The following NR3C2 variants were observed in gnomAD, a reference collection of about 807,000 sequenced individuals.
NR3C2 encodes the protein nuclear receptor subfamily 3 group C member 2.
NR3C2 carries 15 observed loss-of-function variants against 86.4 expected under a neutral mutation model. That is an observed-to-expected ratio of 0.17 (90% CI 0.12 to 0.27). The LOEUF (loss-of-function observed/expected upper bound fraction) is 0.27. NR3C2 is among the 10% of genes least tolerant of loss of function. The pLI, the probability that NR3C2 is intolerant of heterozygous loss-of-function variation, is 1.00. For missense variants in NR3C2, 960 were observed against 1,195.6 expected (o/e 0.80, Z 2.91); for synonymous variants, 458 against 450.5 (o/e 1.02, Z -0.21).
At chr4:148,153,124 C>T (rs979765153) in intron 5 of NR3C2, among the ~76,000 whole-genome samples, 9 of 152,112 alleles carry the variant, frequency 5.9e-5, no homozygotes, top group Admixed American at 3.9e-4. Context: ...TATGGTAGAA[C>T]ATGTTTCCCT....
rs1235838350 is a variant in NR3C2, at chr4:148,320,824, A to C, written c.1758-60707T>G. ...TCAATCTTGTTGATCCTTTCAAAAA[A>C]CCAGCTCCTGGATTCATTAATTTTT... On this transcript the variant is annotated intron_variant, in intron 2 of 8. Coordinates refer to ENST00000358102, the MANE Select transcript of NR3C2 (RefSeq NM_000901.5). 2.0e-5 allele frequency among the ~76,000 whole-genome samples: 3 copies of C among 150,594 alleles called. No individual in the cohort carries two copies. In the East Asian group the frequency reaches 5.9e-4, roughly 30 times the overall value.
intron 3 of NR3C2, chr4:148,208,163 T>C (rs1391007916): frequency 6.6e-6 from 1 of 152,268 alleles, no homozygotes; most frequent in East Asian, 1.9e-4. Context: ...AGCACCTTAG[T>C]GCAATGGCAG....
At chr4:148,353,083 A>G (rs575549717) in intron 2 of NR3C2, among the ~76,000 whole-genome samples, 5 of 152,164 alleles carry the variant, frequency 3.3e-5, no homozygotes, top group Non-Finnish European at 7.4e-5. Context: ...CAGTTTTTAC[A>G]AAATTAGAAG....
chr4:148,201,793 T>C (rs1489089699), intron 3 of NR3C2, among the ~76,000 whole-genome samples: 2 of 152,202 alleles, frequency 1.3e-5, no homozygotes, highest in African/African-American at 4.8e-5. Flanking sequence ...CAGATCCATA[T>C]ACCCCCTTCA....
rs375478985 is a variant in NR3C2 at position 148,401,511 on chromosome 4, T to C, written c.1757+33593A>G. Among the ~76,000 whole-genome samples the C allele has an allele frequency of 2.0e-4, 29 of 146,004 alleles. No homozygotes were observed. The East Asian group carries it at 5.7e-3, about 29-fold the overall frequency. ...CAGAGTCTTGCTCTGTTGCCCAGGC[T>C]GGAGTGCAGTGGCGCAATCTAGGCT... is the stretch of plus-strand genomic sequence containing the variant. On this transcript the variant is annotated intron_variant, in intron 2 of 8. Coordinates refer to ENST00000358102, the MANE Select transcript of NR3C2 (RefSeq NM_000901.5).
intron 2 of NR3C2, among the ~76,000 whole-genome samples, chr4:148,292,893 C>G (rs1741863787): frequency 6.6e-6 from 1 of 152,026 alleles, no homozygotes; most frequent in Non-Finnish European, 1.5e-5. Context: ...TCTGTATACC[C>G]TGTTAAACAA....
intron 3 of NR3C2, among the ~76,000 whole-genome samples, chr4:148,200,383 G>A (rs763670133): frequency 6.9e-6 from 1 of 144,172 alleles, no homozygotes; most frequent in African/African-American, 2.6e-5. Flanking sequence ...CCTGCTATAT[G>A]CCCAATTTTA....
At chr4:148,114,777 A>G (rs935062384) in intron 7 of NR3C2, among the ~76,000 whole-genome samples, 1 of 152,194 alleles carries the variant, frequency 6.6e-6, no homozygotes, top group Non-Finnish European at 1.5e-5. Context: ...GCCATAGACA[A>G]TCTAGGTTGG....
At chr4:148,223,570 A>G (rs1340468889) in intron 3 of NR3C2, among the ~76,000 whole-genome samples, 2 of 152,190 alleles carry the variant, frequency 1.3e-5, no homozygotes, top group Non-Finnish European at 2.9e-5. Context: ...GGAAGACATA[A>G]AGAAAGAAGT....
At chr4:148,121,994 C>CATGTCACCTGTTT (rs1553987273) in intron 6 of NR3C2, among the ~76,000 whole-genome samples, 12 of 151,424 alleles carry the variant, frequency 7.9e-5, no homozygotes, top group Non-Finnish European at 1.2e-4. Flanking sequence ...TAGATTTGCA[C>CATGTCACCTGTTT]ATGTCACCTG....
chr4:148,224,161 G>T (rs1408971995), intron 3 of NR3C2, among the ~76,000 whole-genome samples: 2 of 151,570 alleles, frequency 1.3e-5, no homozygotes, highest in Non-Finnish European at 2.9e-5. Context: ...AGAGGAAAAA[G>T]ACCAAACTAG....
At chr4:148,367,075 T>C (rs1277637454) in intron 2 of NR3C2, among the ~76,000 whole-genome samples, 1 of 152,176 alleles carries the variant, frequency 6.6e-6, no homozygotes, top group African/African-American at 2.4e-5. Flanking sequence ...AGAACTGCAT[T>C]TTATCACTTC....
intron 3 of NR3C2, among the ~76,000 whole-genome samples, chr4:148,197,085 A>G (rs1355360157): frequency 6.6e-6 from 1 of 152,244 alleles, no homozygotes; most frequent in Non-Finnish European, 1.5e-5. Context: ...AGTTGGAAGA[A>G]TAATTTAGGA....
chr4:148,375,987 C>T (rs944470760), intron 2 of NR3C2, among the ~76,000 whole-genome samples: 1 of 152,088 alleles, frequency 6.6e-6, no homozygotes, highest in Admixed American at 6.6e-5. Context: ...AAGTAGAATG[C>T]TATTAACAAA....
rs1733138824 is a variant in NR3C2 at position 148,133,619 on chromosome 4, GGTCATATTCTTGGAGTCACATTCATGGA to G, written c.2511-13359_2511-13332del. ...ATTTGTATTAACCAACAACTCATGGGGTCATATTCTTGGAGTCACATTCATGGAGTCATATTCTTCCTAAAGCAAAAGT... is the reference window on the plus strand; with the variant it reads ...ATTTGTATTAACCAACAACTCATGGGGTCATATTCTTCCTAAAGCAAAAGT... On this transcript the variant is annotated intron_variant, in intron 6 of 8. Transcript: ENST00000358102. Among the ~76,000 whole-genome samples, 16 of 152,274 alleles carry G rather than the reference GGTCATATTCTTGGAGTCACATTCATGGA, an allele frequency of 1.1e-4. No individual in the cohort carries two copies. In the South Asian group the frequency reaches 3.3e-3, roughly 32 times the overall value.
chr4:148,430,552 A>C (rs528255102), intron 2 of NR3C2, among the ~76,000 whole-genome samples: 1 of 152,316 alleles, frequency 6.6e-6, no homozygotes, highest in African/African-American at 2.4e-5. Context: ...TAGGTACATT[A>C]GCAATTTCAA....
intron 3 of NR3C2, among the ~76,000 whole-genome samples, chr4:148,219,566 A>G (rs1333027510): frequency 6.6e-6 from 1 of 152,160 alleles, no homozygotes; most frequent in African/African-American, 2.4e-5. Flanking sequence ...TATACAATAG[A>G]GTTTTCTAGT....
intron 2 of NR3C2, among the ~76,000 whole-genome samples, chr4:148,332,573 G>A (rs549745532): frequency 5.9e-5 from 9 of 152,180 alleles, no homozygotes; most frequent in South Asian, 4.2e-4. Flanking sequence ...AAGATGCTCC[G>A]TACCAAAATG....
chr4:148,425,582 G>A (rs914974730), intron 2 of NR3C2, among the ~76,000 whole-genome samples: 1 of 152,188 alleles, frequency 6.6e-6, no homozygotes, highest in African/African-American at 2.4e-5. Flanking sequence ...CCACAGAAAG[G>A]TCAGTGTGGG....
Sources: gnomAD v4.1 joint callset for allele counts (sites outside exome capture counted in the v4.1 genomes callset) on GRCh38, gnomAD v4.1.1 for gene constraint, MANE v1.5 for transcripts, NCBI Gene and HGNC (gene_info 2026-07-23, HGNC 2026-07-21) for gene names.